Variants in SORBS3 observed in about 807,000 individuals in gnomAD.
SORBS3 encodes sorbin and SH3 domain containing 3.
Under a neutral mutation model 98.0 loss-of-function variants are expected in SORBS3, and 69 were observed. The ratio of observed to expected loss-of-function variants is 0.70; its 90% confidence interval spans 0.58 to 0.86. The LOEUF (loss-of-function observed/expected upper bound fraction) is 0.86. SORBS3 is among the 40% of genes least tolerant of loss of function. SORBS3 has a pLI of 0.00. For missense variants in SORBS3, 954 were observed against 908.5 expected (o/e 1.05, Z -0.64); for synonymous variants, 394 against 355.4 (o/e 1.11, Z -1.22).
At chr8:22,563,772 C>G (rs1454159088) in intron 7 of SORBS3, among the ~76,000 whole-genome samples, 1 of 152,156 alleles carries the variant, frequency 6.6e-6, no homozygotes, top group African/African-American at 2.4e-5. Context: ...GTAACTTGTT[C>G]AAAGGTTACA....
chr8:22,565,434 C>A, intron 11 of SORBS3, 80 bp downstream of exon 11: 2 of 1,191,784 alleles, frequency 1.7e-6, no homozygotes, highest in Non-Finnish European at 2.3e-6. Context: ...GGCGGCTGGG[C>A]TGGGCGGAGG....
chr8:22,573,385 C>T (rs537286774), intron 20 of SORBS3: 27 of 456,262 alleles, frequency 5.9e-5, no homozygotes, highest in Non-Finnish European at 8.4e-5. Context: ...GAGCCACAAG[C>T]GCTTTGAGAG....
chr8:22,548,974 C>T (rs371341348), upstream of SORBS3, among the ~76,000 whole-genome samples: 5 of 152,344 alleles, frequency 3.3e-5, no homozygotes, highest in East Asian at 9.6e-4. Flanking sequence ...TAATCCTCCC[C>T]TGCAGGGGGG....
chr8:22,570,394 C>T (rs796402993), intron 17 of SORBS3, among the ~76,000 whole-genome samples: 25 of 152,312 alleles, frequency 1.6e-4, no homozygotes, highest in African/African-American at 5.1e-4. Flanking sequence ...GGTCCCCCAG[C>T]GTGAGGCAGG....
intron 19 of SORBS3, 79 bp from the exon 20 acceptor site, chr8:22,572,261 G>T: frequency 8.7e-7 from 1 of 1,146,458 alleles, no homozygotes. Flanking sequence ...AGGGACCCTG[G>T]GGCATTCACA....
intron 4 of SORBS3, 152 bp from the exon 5 acceptor site, chr8:22,557,977 A>G (rs533976764): frequency 1.2e-4 from 91 of 733,200 alleles, no homozygotes; most frequent in Non-Finnish European, 2.1e-4. Flanking sequence ...AGCTATTGTT[A>G]TTAAAGAGAT....
chr8:22,572,466 G>A lies in SORBS3; in HGVS notation c.1954+20G>A, dbSNP rs1299767335. The A allele has an allele frequency of 3.1e-6, 5 of 1,590,618 alleles. No homozygotes were observed. The highest frequency in any genetic ancestry group is 1.7e-4 in the Middle Eastern group (1 of 5,928). ...TTGTGGGTATGTGGGCAGGCCGGGA[G>A]GGGGCATCTCAGGGCCCCAGGGGAT... On this transcript the variant is annotated intron_variant, in intron 20 of 20. Transcript: ENST00000240123.
intron 5 of SORBS3, 54 bp downstream of exon 5, chr8:22,558,246 G>T: frequency 6.5e-7 from 1 of 1,537,058 alleles, no homozygotes; most frequent in South Asian, 1.1e-5. Context: ...TGGCCCCTGG[G>T]GCTTGGAGAG....
chr8:22,566,352 T>A lies in SORBS3; in HGVS notation c.958T>A (p.Ser320Thr). Reference protein sequence around the residue: ...PEQRPPAGPASAWSSSYPHAP... With the variant: ...PEQRPPAGPATAWSSSYPHAP... ...TCTCTGTGCCCCGTGCAGCCCGGCC[T>A]CAGCCTGGAGCTCCAGCTACCCACA... The change falls in exon 13 of 21, where the codon TCA becomes ACA. Residue 320 changes from serine to threonine, a missense_variant. Ser to Thr is a moderately conservative substitution (Grantham distance 58). Transcript: ENST00000240123. The A allele has an allele frequency of 1.2e-6, 2 of 1,613,410 alleles. No homozygotes were observed. Among genetic ancestry groups the A allele is most frequent in the East Asian group, 4.5e-5 (2 of 44,854 alleles).
chr8:22,564,835 G>A (rs1313039970), intron 10 of SORBS3: 2 of 1,237,062 alleles, frequency 1.6e-6, no homozygotes, highest in Non-Finnish European at 1.0e-6. Flanking sequence ...CTGATTCGGC[G>A]AAGACCCATA....
At chr8:22,570,808 G>A (rs1298500155) in intron 17 of SORBS3, 102 bp from the exon 18 acceptor site, 3 of 1,037,220 alleles carry the variant, frequency 2.9e-6, no homozygotes, top group Non-Finnish European at 4.1e-6. Flanking sequence ...CCGACCCCTC[G>A]TGTGTCCAAG....
rs763411879 is a variant in SORBS3 at position 22,564,503 on chromosome 8, G to A, written c.798G>A (p.Lys266=). The change falls in exon 10 of 21, where the codon AAG becomes AAA. Residue 266 remains lysine (K), a synonymous_variant. Coordinates refer to ENST00000240123, the MANE Select transcript of SORBS3 (RefSeq NM_005775.5). Reference sequence around the variant, plus strand: ...CGCTGGTGGACGACCCTGGTGAGAAGCCCTCCCAGCCCATTGAGGTGAGTG... The same window carrying A: ...CGCTGGTGGACGACCCTGGTGAGAAACCCTCCCAGCCCATTGAGGTGAGTG... The part of the protein sequence containing the change: ...KKPLVDDPGE[K]PSQPIEVLLE... The A allele has an allele frequency of 7.4e-6, 12 of 1,613,946 alleles. 1 individual carries two copies. In the African/African-American group the frequency reaches 1.5e-4, roughly 20 times the overall value.
rs1840402309 is a variant in SORBS3, at chr8:22,565,865, C to G, written c.943C>G (p.Pro315Ala). ...CCGACGGGCCCCGGAGCAGCGGCCC[C>G]CGGCCGGGTGAGTGGGAGACGCGGG... ...APRRAPEQRP[P>A]AGPASAWSSS... Residue 315 changes from proline (P) to alanine (A), a missense_variant, in exon 12 of 21, where the codon CCG (proline) becomes GCG (alanine). By Grantham distance (27) the Pro-to-Ala change is conservative. Coordinates refer to ENST00000240123, the MANE Select transcript of SORBS3 (RefSeq NM_005775.5). 8.7e-6 allele frequency: 11 copies of G among 1,269,848 alleles called. No homozygotes were observed. The highest frequency in any genetic ancestry group is 1.1e-5 in the Non-Finnish European group (11 of 1,008,276). The allele number at this position is 1,269,848 out of a possible 1,614,324, so 78.7% of individuals were successfully genotyped here.
In SORBS3 at chr8:22,571,463, T is replaced by C. The variant is rs1257562322; in HGVS notation, c.1743+242T>C. 3.3e-5 allele frequency among the ~76,000 whole-genome samples: 5 copies of C among 152,266 alleles called. No homozygotes were observed. In the East Asian group the frequency reaches 7.7e-4, roughly 24 times the overall value. Reference sequence around the variant, plus strand: ...GGCCCAGGCTCCTGACCCTGGGTGTTCTTGGTTCATCCATGCTGGCGTCCA... The same window carrying C: ...GGCCCAGGCTCCTGACCCTGGGTGTCCTTGGTTCATCCATGCTGGCGTCCA... On this transcript the variant is annotated intron_variant, in intron 18 of 20. Transcript: ENST00000240123.
Position 22,566,411 on chromosome 8 carries a change from T to A in SORBS3, c.1017T>A (p.Ser339Arg), listed in dbSNP as rs1840421876. 3 of 1,613,934 alleles carry A rather than the reference T, an allele frequency of 1.9e-6. No homozygotes were observed. Among genetic ancestry groups the A allele is most frequent in the Non-Finnish European group, 2.5e-6 (3 of 1,179,956 alleles). The part of the protein sequence containing the change: ...APYLGSARSL[S>R]PHKMADGGSP... ...ACCTGGGTTCCGCCCGGTCCCTGAG[T>A]CCCCACAAAATGGCTGATGGAGGAA... is the stretch of plus-strand genomic sequence containing the variant. The change falls in exon 13 of 21, where the codon AGT (serine) becomes AGA (arginine). Residue 339 changes from serine to arginine, a missense_variant. By Grantham distance (110) the Ser-to-Arg change is moderately radical. Coordinates refer to ENST00000240123, the MANE Select transcript of SORBS3 (RefSeq NM_005775.5).
rs747616904 is a variant in SORBS3, at chr8:22,564,265, C to T, written c.676-18C>T. 6.4e-6 allele frequency: 10 copies of T among 1,570,140 alleles called. No individual in the cohort carries two copies. Among genetic ancestry groups the T allele is most frequent in the Non-Finnish European group, 6.9e-6 (8 of 1,155,746 alleles). ...AGTAGCCCTCTTCACAAGCTGACAC[C>T]CACCCACCTCCACGCAGGTGCTCAG... On this transcript the variant is annotated intron_variant, in intron 8 of 20. Transcript: ENST00000240123.
rs534742955 is a variant in SORBS3 at position 22,572,567 on chromosome 8, G to T, written c.1954+121G>T. The T allele has an allele frequency of 7.5e-6, 6 of 804,180 alleles. No individual in the cohort carries two copies. The Admixed American group carries it at 1.3e-4, about 17-fold the overall frequency. 49.8% of individuals were successfully genotyped at this position (804,180 alleles called of 1,614,324 possible). ...CCGACCACCCCCCGACTCAGCTTCC[G>T]GCCGGGCTACTGGGGGGGCCTGGCA... On this transcript the variant is annotated intron_variant, in intron 20 of 20. Coordinates refer to ENST00000240123, the MANE Select transcript of SORBS3 (RefSeq NM_005775.5).
chr8:22,570,562 A>C (rs978620084), intron 17 of SORBS3, among the ~76,000 whole-genome samples: 3 of 152,210 alleles, frequency 2.0e-5, no homozygotes, highest in African/African-American at 7.2e-5. Flanking sequence ...GCCTGAGGCC[A>C]CACAGCTTGG....
chr8:22,561,163 T>A lies in SORBS3; in HGVS notation c.479-172T>A, dbSNP rs1245125760. ...AGCCTGCCAGAGGCATTTCAAGCCC[T>A]CCAGAGAGCTGCCCTCCTAATTCCT... On this transcript the variant is annotated intron_variant, in intron 5 of 20. Transcript: ENST00000240123. 3 of 624,990 alleles carry A rather than the reference T, an allele frequency of 4.8e-6. No homozygotes were observed. In the African/African-American group the frequency reaches 5.6e-5, roughly 12 times the overall value. The allele number at this position is 624,990 out of a possible 1,614,324, so 38.7% of individuals were successfully genotyped here. A position where few individuals can be genotyped will look rare whatever the true frequency, so the allele number is the denominator to read the frequency against.
Sources: allele counts gnomAD v4.1 joint callset (sites outside exome capture counted in the v4.1 genomes callset), GRCh38; gene constraint gnomAD v4.1.1; transcripts MANE v1.5; gene names NCBI Gene and HGNC (gene_info 2026-07-23, HGNC 2026-07-21).